Variants in TMED8 observed in about 807,000 individuals in gnomAD.
TMED8 encodes the protein transmembrane p24 trafficking protein family member 8.
TMED8 carries 15 observed loss-of-function variants against 32.7 expected under a neutral mutation model. The ratio of observed to expected loss-of-function variants is 0.46; its 90% CI spans 0.31 to 0.71. TMED8 has a LOEUF of 0.71. Among genes scored for constraint, TMED8 ranks in the 30% least tolerant of loss-of-function variants. The probability of loss-of-function intolerance (pLI) is 0.06; values close to 1 mark genes in which losing one functional copy is unlikely to be tolerated. For missense variants in TMED8, 390 were observed against 423.9 expected (o/e 0.92, Z 0.70); for synonymous variants, 147 against 161.4 (o/e 0.91, Z 0.68).
At position 77,338,819 on chromosome 14, in the gene TMED8, A is replaced by G. The variant is rs1892824570; in HGVS notation, c.*2952T>C. On this transcript the variant is annotated 3_prime_UTR_variant, in exon 6 of 6. Transcript: ENST00000216468. ...CTGTTTGCTGAAATTTTTTCACAAT[A>G]AAACACTGGGGGAAAAGAAATCAAT... is the stretch of plus-strand genomic sequence containing the variant. 1 of 152,214 alleles carries G rather than the reference A, an allele frequency of 6.6e-6. No homozygotes were observed. Among genetic ancestry groups the G allele is most frequent in the African/African-American group, 2.4e-5 (1 of 41,458 alleles). 9.4% of individuals were successfully genotyped at this position (152,214 alleles called of 1,614,324 possible).
intron 1 of TMED8, among the ~76,000 whole-genome samples, chr14:77,369,930 C>T (rs1266119981): frequency 3.9e-5 from 6 of 151,980 alleles, no homozygotes; most frequent in African/African-American, 7.2e-5. Context: ...GAGGCGGAGG[C>T]GGGAGGGCCG....
chr14:77,360,025 A>C lies in TMED8; in HGVS notation c.119-8274T>G, dbSNP rs368098225. 8.3e-4 allele frequency: 128 copies of C among 154,044 alleles called. 2 individuals are homozygous for C. The South Asian group carries it at 0.025, about 30-fold the overall frequency. 9.5% of individuals were successfully genotyped at this position (154,044 alleles called of 1,614,324 possible). A position where few individuals can be genotyped will look rare whatever the true frequency, so the allele number is the denominator to read the frequency against. On this transcript the variant is annotated intron_variant, in intron 1 of 5. Transcript: ENST00000216468. The stretch of plus-strand genomic sequence containing the variant: ...TTACACAGATCTTCCTCATTACTTT[A>C]AATTTTTAAATTGTATATGTTTAAG...
At chr14:77,372,380 G>C (rs535402938) in intron 1 of TMED8, among the ~76,000 whole-genome samples, 4 of 152,228 alleles carry the variant, frequency 2.6e-5, no homozygotes, top group African/African-American at 9.6e-5. Context: ...AAAAGCATTT[G>C]AATATCAGGT....
chr14:77,375,149 A>C (rs1893783086), intron 1 of TMED8, among the ~76,000 whole-genome samples: 2 of 152,154 alleles, frequency 1.3e-5, no homozygotes, highest in African/African-American at 4.8e-5. Flanking sequence ...TATCATTACT[A>C]TTATTTTATT....
chr14:77,357,596 T>C (rs1474231377), intron 1 of TMED8, among the ~76,000 whole-genome samples: 1 of 152,196 alleles, frequency 6.6e-6, no homozygotes, highest in Non-Finnish European at 1.5e-5. Context: ...TAACCAATGA[T>C]TTGTTCTTTG....
At chr14:77,356,588 T>C (rs1402366497) in intron 1 of TMED8, among the ~76,000 whole-genome samples, 1 of 152,196 alleles carries the variant, frequency 6.6e-6, no homozygotes, top group Non-Finnish European at 1.5e-5. Context: ...ATTACATTCA[T>C]TTAGAACAAA....
intron 1 of TMED8, among the ~76,000 whole-genome samples, chr14:77,360,304 T>C (rs1893403774): frequency 6.6e-6 from 1 of 152,200 alleles, no homozygotes; most frequent in South Asian, 2.1e-4. Flanking sequence ...TATGTATCTC[T>C]ACTTTGTATC....
At chr14:77,348,336 C>T (rs1284753415) in intron 2 of TMED8, among the ~76,000 whole-genome samples, 1 of 151,952 alleles carries the variant, frequency 6.6e-6, no homozygotes, top group Non-Finnish European at 1.5e-5. Flanking sequence ...CGTTCTCCTG[C>T]CTCACCCTCC....
chr14:77,363,562 T>C (rs1211522920), intron 1 of TMED8, among the ~76,000 whole-genome samples: 1 of 152,178 alleles, frequency 6.6e-6, no homozygotes, highest in Non-Finnish European at 1.5e-5. Flanking sequence ...TTTGGGAAGC[T>C]GAGACAGGAG....
Position 77,342,615 on chromosome 14 carries a change from G to A in TMED8, c.760+563C>T, listed in dbSNP as rs569408234. 2.9e-3 allele frequency among the ~76,000 whole-genome samples: 443 copies of A among 152,326 alleles called. 5 individuals are homozygous for A. Among genetic ancestry groups the A allele is most frequent in the Middle Eastern group, 0.024 (7 of 294 alleles). On this transcript the variant is annotated intron_variant, in intron 5 of 5. Coordinates refer to ENST00000216468, the MANE Select transcript of TMED8 (RefSeq NM_213601.3). ...CTTAGGACCTACTCTTACGTTATCT[G>A]AAAAATGCCTCTGGGCCATCCTTTG...
At chr14:77,374,740 G>A (rs1007825257) in intron 1 of TMED8, among the ~76,000 whole-genome samples, 3 of 152,164 alleles carry the variant, frequency 2.0e-5, no homozygotes, top group Admixed American at 6.5e-5. Context: ...GAGAGATTCC[G>A]TTCCTAACTC....
rs1391888638 is a variant in TMED8, at chr14:77,340,222, C to T, written c.*1549G>A. On this transcript the variant is annotated 3_prime_UTR_variant, in exon 6 of 6. Coordinates refer to ENST00000216468, the MANE Select transcript of TMED8 (RefSeq NM_213601.3). ...TGAAGGGCCATACTCCTCGCAAAGCCGTCACAGGACTGACCTACAGAAATA... is the reference window on the plus strand; with the variant it reads ...TGAAGGGCCATACTCCTCGCAAAGCTGTCACAGGACTGACCTACAGAAATA... The T allele has an allele frequency of 6.6e-6, 1 of 152,128 alleles. No individual in the cohort carries two copies. Among genetic ancestry groups the T allele is most frequent in the African/African-American group, 2.4e-5 (1 of 41,410 alleles). 9.4% of individuals were successfully genotyped at this position (152,128 alleles called of 1,614,324 possible).
chr14:77,372,813 G>C (rs1208920184), intron 1 of TMED8, among the ~76,000 whole-genome samples: 1 of 148,186 alleles, frequency 6.7e-6, no homozygotes, highest in Non-Finnish European at 1.5e-5. Flanking sequence ...CATCAAGGCT[G>C]TTTGTCATTG....
intron 1 of TMED8, among the ~76,000 whole-genome samples, chr14:77,372,799 A>G (rs1893700695): frequency 6.6e-6 from 1 of 150,458 alleles, no homozygotes; most frequent in Non-Finnish European, 1.5e-5. Context: ...AGAAAACTAA[A>G]AAACATCAAG....
intron 3 of TMED8, 34 bp from the exon 4 acceptor site, chr14:77,343,857 G>C (rs201605494): frequency 6.3e-7 from 1 of 1,593,080 alleles, no homozygotes; most frequent in Non-Finnish European, 8.6e-7. Flanking sequence ...AGGAGTATTC[G>C]AGTGGCAGAT....
intron 1 of TMED8, among the ~76,000 whole-genome samples, chr14:77,372,909 TATATATA>T (rs1566696206): frequency 0.089 from 711 of 7,998 alleles, 16 homozygotes; most frequent in African/African-American, 0.12. Flanking sequence ...ACAGATATTA[TATATATA>T]TATATATATA....
intron 1 of TMED8, among the ~76,000 whole-genome samples, chr14:77,370,741 AAGT>A (rs917292543): frequency 1.3e-4 from 14 of 106,224 alleles, no homozygotes; most frequent in Non-Finnish European, 2.8e-4. Flanking sequence ...ATATAAAAAA[AAGT>A]GTGTGTGTGT....
At chr14:77,345,636 G>A (rs185241913) in intron 3 of TMED8, among the ~76,000 whole-genome samples, 1 of 144,162 alleles carries the variant, frequency 6.9e-6, no homozygotes, top group East Asian at 2.1e-4. Context: ...CTGAAGCCGG[G>A]TGACAGAGTG....
chr14:77,368,465 T>C (rs72681281), intron 1 of TMED8, among the ~76,000 whole-genome samples: 2,723 of 151,952 alleles, frequency 0.018, 47 homozygotes, highest in Middle Eastern at 0.079. Flanking sequence ...ATTGTCCTTT[T>C]TATTATTTAT....
Sources: allele counts gnomAD v4.1 joint callset (sites outside exome capture counted in the v4.1 genomes callset), GRCh38; gene constraint gnomAD v4.1.1; transcripts MANE v1.5; gene names NCBI Gene and HGNC (gene_info 2026-07-23, HGNC 2026-07-21).